Variants in UBXN7 observed in about 807,000 individuals in gnomAD.
UBXN7 encodes the protein UBX domain-containing protein 7.
Under a neutral mutation model 58.0 loss-of-function variants are expected in UBXN7, and 9 were observed. That is an observed-to-expected ratio of 0.16 (90% CI 0.09 to 0.27). The LOEUF (loss-of-function observed/expected upper bound fraction) is 0.27, where lower values mean the gene tolerates loss of function less well. Ranked by LOEUF, UBXN7 falls within the 10% of genes least tolerant of loss-of-function variation. UBXN7 has a pLI of 1.00. For missense variants in UBXN7, 328 were observed against 599.6 expected (o/e 0.55, Z 4.73); for synonymous variants, 208 against 205.0 (o/e 1.01, Z -0.12).
chr3:196,374,973 G>GGGAA (rs1413657178), intron 5 of UBXN7, among the ~76,000 whole-genome samples: 6,039 of 28,362 alleles, frequency 0.21, 1,328 homozygotes, highest in East Asian at 0.89. Context: ...AAAGGAAGGA[G>GGGAA]GGAAGGAAGG....
intron 6 of UBXN7, among the ~76,000 whole-genome samples, chr3:196,370,239 C>T (rs1020393939): frequency 6.6e-6 from 1 of 151,280 alleles, no homozygotes; most frequent in Non-Finnish European, 1.5e-5. Context: ...GAGTTTGAGA[C>T]CAGCCTGGGC....
At position 196,375,183 on chromosome 3, in the gene UBXN7, CCACACACACACACACA is replaced by C. The variant is rs56188527; in HGVS notation, c.469-3157_469-3142del. Among the ~76,000 whole-genome samples, 761 of 139,816 alleles carry C rather than the reference CCACACACACACACACA, an allele frequency of 5.4e-3. 7 individuals are homozygous for C. The highest frequency in any genetic ancestry group is 0.019 in the African/African-American group (730 of 37,598). The allele number at this position is 139,816 out of a possible 152,430, so 91.7% of individuals were successfully genotyped here. A position where few individuals can be genotyped will look rare whatever the true frequency, so the allele number is the denominator to read the frequency against. On this transcript the variant is annotated intron_variant, in intron 5 of 10. Transcript: ENST00000296328. Reference sequence around the variant, plus strand: ...GAGAGCAGATTATTAGGTGCTCTTACCACACACACACACACACACACACACACACACACACACACAC... The same window carrying C: ...GAGAGCAGATTATTAGGTGCTCTTACCACACACACACACACACACACACAC...
At chr3:196,418,186 G>A (rs762748671) in intron 1 of UBXN7, among the ~76,000 whole-genome samples, 76 of 151,982 alleles carry the variant, frequency 5.0e-4, no homozygotes, top group Non-Finnish European at 7.1e-4. Context: ...GCTGTGGGCC[G>A]AGATCACGCC....
At chr3:196,405,201 G>C (rs1263936595) in intron 2 of UBXN7, among the ~76,000 whole-genome samples, 1 of 152,082 alleles carries the variant, frequency 6.6e-6, no homozygotes, top group Non-Finnish European at 1.5e-5. Flanking sequence ...GGTGCACACA[G>C]TGGCTCACGC....
At chr3:196,360,815 A>C (rs1350251513) in intron 10 of UBXN7, among the ~76,000 whole-genome samples, 1 of 152,136 alleles carries the variant, frequency 6.6e-6, no homozygotes, top group Non-Finnish European at 1.5e-5. Flanking sequence ...CTTGAGTCCA[A>C]GAGTTTGAGA....
chr3:196,400,222 A>C (rs1304502724), intron 3 of UBXN7: 5 of 152,034 alleles, frequency 3.3e-5, no homozygotes, highest in South Asian at 2.1e-4. Flanking sequence ...AAAAAAAAAA[A>C]CCCTTAGTAT....
chr3:196,388,385 C>T (rs1049682617), intron 5 of UBXN7, among the ~76,000 whole-genome samples: 7 of 151,690 alleles, frequency 4.6e-5, no homozygotes, highest in Non-Finnish European at 8.8e-5. Flanking sequence ...CAACATGGCA[C>T]ATGTATACCT....
At chr3:196,411,089 C>T (rs144997539) in intron 1 of UBXN7, among the ~76,000 whole-genome samples, 2 of 152,314 alleles carry the variant, frequency 1.3e-5, no homozygotes, top group African/African-American at 4.8e-5. Flanking sequence ...AGCCTACCTG[C>T]CCGTTCCCAT....
chr3:196,403,092 T>G (rs1730043548), intron 2 of UBXN7, 73 bp from the exon 3 acceptor site: 1 of 1,384,922 alleles, frequency 7.2e-7, no homozygotes, highest in South Asian at 1.3e-5. Flanking sequence ...GTAAATACTG[T>G]GAATATATTC....
At chr3:196,418,876 A>G (rs1730587637) in intron 1 of UBXN7, among the ~76,000 whole-genome samples, 1 of 152,154 alleles carries the variant, frequency 6.6e-6, no homozygotes, top group African/African-American at 2.4e-5. Flanking sequence ...GGGAAAGACT[A>G]CTTTGCCATC....
rs368701144 is a variant in UBXN7, at chr3:196,408,679, G to A, written c.74-1286C>T. On this transcript the variant is annotated intron_variant, in intron 1 of 10. Transcript: ENST00000296328. ...CGCTGTCATTCCTGACAGTTTTACT[G>A]GGTATTCCATTTCAAAGCTGACAGC... Among the ~76,000 whole-genome samples, 6 of 152,108 alleles carry A rather than the reference G, an allele frequency of 3.9e-5. No individual in the cohort carries two copies. In the East Asian group the frequency reaches 5.8e-4, roughly 15 times the overall value.
Position 196,349,055 on chromosome 3 carries a change from G to A in UBXN7, c.*7630C>T, listed in dbSNP as rs1000146078. 3.9e-5 allele frequency: 6 copies of A among 152,180 alleles called. No individual in the cohort carries two copies. The highest frequency in any genetic ancestry group is 1.4e-4 in the African/African-American group (6 of 41,444). The allele number at this position is 152,180 out of a possible 1,614,324, so 9.4% of individuals were successfully genotyped here. ...GATTATCAGAGGAGTGAAGAAAACC[G>A]TGTCTAACAGATTCATGCCAAAGCT... is the stretch of plus-strand genomic sequence containing the variant. On this transcript the variant is annotated 3_prime_UTR_variant, in exon 11 of 11. Transcript: ENST00000296328.
chr3:196,404,254 C>T (rs923581462), intron 2 of UBXN7, among the ~76,000 whole-genome samples: 7 of 150,972 alleles, frequency 4.6e-5, no homozygotes, highest in Admixed American at 2.7e-4. Context: ...TTATGTTAGC[C>T]CTAATGGTTT....
At position 196,432,402 on chromosome 3, in the gene UBXN7, T is replaced by TACC. The variant is rs1731100319; in HGVS notation, c.-6_-4dup. 5.7e-6 allele frequency: 9 copies of TACC among 1,589,080 alleles called. No homozygotes were observed. Among genetic ancestry groups the TACC allele is most frequent in the Non-Finnish European group, 5.2e-6 (6 of 1,164,182 alleles). The stretch of plus-strand genomic sequence containing the variant: ...GCGGAGCCCCCGTGGGCAGCCATCT[T>TACC]ACCGCCGCCGCCGCCGCCGAACAAC... On this transcript the variant is annotated 5_prime_UTR_variant, in exon 1 of 11. Coordinates refer to ENST00000296328, the MANE Select transcript of UBXN7 (RefSeq NM_015562.2).
intron 8 of UBXN7, among the ~76,000 whole-genome samples, chr3:196,363,408 G>C (rs1308787707): frequency 4.0e-5 from 6 of 151,006 alleles, no homozygotes; most frequent in Admixed American, 6.6e-5. Context: ...TGTAATCCCA[G>C]CACTTTGGGA....
At chr3:196,432,038 C>T (rs374232661) in intron 1 of UBXN7, 1 of 556,668 alleles carries the variant, frequency 1.8e-6, no homozygotes, top group Non-Finnish European at 3.3e-6. Context: ...CCCGGGCCGG[C>T]GGGGGCGGAC....
intron 1 of UBXN7, among the ~76,000 whole-genome samples, chr3:196,417,564 A>G (rs1227019270): frequency 1.3e-5 from 2 of 151,758 alleles, no homozygotes; most frequent in East Asian, 3.9e-4. Context: ...CAGTTTCCTC[A>G]GTTATAAAAT....
At position 196,353,610 on chromosome 3, in the gene UBXN7, C is replaced by CTT. The variant is rs1380131337; in HGVS notation, c.*3074_*3075insAA. On this transcript the variant is annotated 3_prime_UTR_variant, in exon 11 of 11. Coordinates refer to ENST00000296328, the MANE Select transcript of UBXN7 (RefSeq NM_015562.2). ...TCAAGCCATTCCCCTGCCTCAGCCT[C>CTT]TGAGTAGCTGGGATTACAGGTGCAC... is the stretch of plus-strand genomic sequence containing the variant. 6.6e-6 allele frequency: 1 copy of CTT among 151,850 alleles called. No individual in the cohort carries two copies. Among genetic ancestry groups the CTT allele is most frequent in the Non-Finnish European group, 1.5e-5 (1 of 68,066 alleles). 9.4% of individuals were successfully genotyped at this position (151,850 alleles called of 1,614,324 possible).
chr3:196,362,319 T>A lies in UBXN7; in HGVS notation c.1203A>T (p.Gly401=). The change falls in exon 9 of 11, where the codon GGA becomes GGT. Residue 401 remains glycine, a synonymous_variant. Coordinates refer to ENST00000296328, the MANE Select transcript of UBXN7 (RefSeq NM_015562.2). The part of the protein sequence containing the change: ...ILEMPPEKAD[G]VVEGIDVNGP... The stretch of plus-strand genomic sequence containing the variant: ...CATTTACATCTATCCCCTCCACTAC[T>A]CCATCTGCTTTTTCAGGTGGCATCT... 1 of 1,610,930 alleles carries A rather than the reference T, an allele frequency of 6.2e-7. No individual in the cohort carries two copies. Among genetic ancestry groups the A allele is most frequent in the South Asian group, 1.1e-5 (1 of 90,410 alleles).
Sources: allele counts gnomAD v4.1 joint callset (sites outside exome capture counted in the v4.1 genomes callset), GRCh38; gene constraint gnomAD v4.1.1; transcripts MANE v1.5; gene names NCBI Gene and HGNC (gene_info 2026-07-23, HGNC 2026-07-21).